Variants in DNM2 observed in about 807,000 individuals in gnomAD.
DNM2 encodes dynamin 2, also known as dynamin-2.
Under a neutral mutation model 99.0 loss-of-function variants are expected in DNM2, and 15 were observed. The ratio of observed to expected loss-of-function variants is 0.15; its 90% confidence interval spans 0.10 to 0.23. The LOEUF (loss-of-function observed/expected upper bound fraction) is 0.23. Ranked by LOEUF, DNM2 falls within the 10% of genes least tolerant of loss-of-function variation. DNM2 has a pLI of 1.00. For missense variants in DNM2, 742 were observed against 1,189.4 expected (o/e 0.62, Z 5.53); for synonymous variants, 525 against 481.2 (o/e 1.09, Z -1.19).
intron 1 of DNM2, among the ~76,000 whole-genome samples, chr19:10,726,232 T>TAAAAAAAAAAAAAAAAAAAAAAAAAA (rs1568263636): frequency 1.1e-3 from 15 of 13,586 alleles, no homozygotes; most frequent in Non-Finnish European, 1.4e-3. Context: ...AAAAAAAAAT[T>TAAAAAAAAAAAAAAAAAAAAAAAAAA]TTTTTTTTTT....
At chr19:10,788,634 C>G (rs187670719) in intron 7 of DNM2, among the ~76,000 whole-genome samples, 2 of 152,284 alleles carry the variant, frequency 1.3e-5, no homozygotes, top group East Asian at 3.9e-4. Flanking sequence ...CTCTTAAGAT[C>G]CACCCCATGA....
In DNM2 at chr19:10,775,174, T is replaced by TAA. The variant is rs2071112696; in HGVS notation, c.386-529_386-528insAA. On this transcript the variant is annotated intron_variant, in intron 3 of 20. Coordinates refer to ENST00000389253, the MANE Select transcript of DNM2 (RefSeq NM_001005361.3). The surrounding 1 kb of genome is among the most constrained non-coding windows in gnomAD (Gnocchi z 4.3). ...TCAGCTCACTGCAACCTCCACCTTCTGGGTTCAAGTGTTTCTCATGCCTCA... is the reference window on the plus strand; with the variant it reads ...TCAGCTCACTGCAACCTCCACCTTCTAAGGGTTCAAGTGTTTCTCATGCCTCA... 6.6e-6 allele frequency among the ~76,000 whole-genome samples: 1 copy of TAA among 152,136 alleles called. No individual in the cohort carries two copies. Among genetic ancestry groups the TAA allele is most frequent in the African/African-American group, 2.4e-5 (1 of 41,434 alleles).
chr19:10,719,843 CTG>C (rs2068878197), intron 1 of DNM2, among the ~76,000 whole-genome samples: 1 of 152,220 alleles, frequency 6.6e-6, no homozygotes, highest in African/African-American at 2.4e-5. Context: ...TCAGAAGGGA[CTG>C]TGATCACCCA....
rs1195312630 is a variant in DNM2 at position 10,805,808 on chromosome 19, T to A, written c.1494-108T>A. On this transcript the variant is annotated intron_variant, in intron 12 of 20. Coordinates refer to ENST00000389253, the MANE Select transcript of DNM2 (RefSeq NM_001005361.3). ...CAGGGGGCTTCTCTCTGCCTCTACC[T>A]GTGGCTGCTCACTTGGTCCCCAGGG... The A allele has an allele frequency of 4.3e-6, 6 of 1,407,078 alleles. No individual in the cohort carries two copies. The Admixed American group carries it at 1.1e-4, about 25-fold the overall frequency. The allele number at this position is 1,407,078 out of a possible 1,614,324, so 87.2% of individuals were successfully genotyped here.
Position 10,778,019 on chromosome 19 carries a change from T to TTTTATTTATTTA in DNM2, c.688+829_688+840dup, listed in dbSNP as rs5827114. On this transcript the variant is annotated intron_variant, in intron 5 of 20. Transcript: ENST00000389253. ...CTTCCTGGAATATTTTATTTTTTCA[T>TTTTATTTATTTA]TTTATTTATTTATTTATTTATTTAT... 8.8e-3 allele frequency among the ~76,000 whole-genome samples: 1,214 copies of TTTTATTTATTTA among 138,214 alleles called. 18 individuals carry two copies. The highest frequency in any genetic ancestry group is 0.018 in the African/African-American group (660 of 37,066). The allele number at this position is 138,214 out of a possible 152,430, so 90.7% of individuals were successfully genotyped here.
At position 10,746,057 on chromosome 19, in the gene DNM2, C is replaced by G. The variant is rs111629159; in HGVS notation, c.162-13681C>G. Among the ~76,000 whole-genome samples, 1,357 of 152,276 alleles carry G rather than the reference C, an allele frequency of 8.9e-3. 13 individuals carry two copies. The highest frequency in any genetic ancestry group is 0.031 in the African/African-American group (1,278 of 41,556). The stretch of plus-strand genomic sequence containing the variant: ...CACTGCAACCTCTGCCTCCCAGGTT[C>G]AAGCGATTCTCGTGCCTCAGCCTCC... On this transcript the variant is annotated intron_variant, in intron 1 of 20. Coordinates refer to ENST00000389253, the MANE Select transcript of DNM2 (RefSeq NM_001005361.3).
intron 2 of DNM2, among the ~76,000 whole-genome samples, chr19:10,767,278 C>T (rs2070829778): frequency 6.6e-6 from 1 of 151,940 alleles, no homozygotes; most frequent in South Asian, 2.1e-4. Flanking sequence ...GTTCCAGAGG[C>T]CCAGGCTAGG....
intron 1 of DNM2, among the ~76,000 whole-genome samples, chr19:10,723,569 C>T (rs529365339): frequency 1.7e-3 from 256 of 152,274 alleles, no homozygotes; most frequent in Non-Finnish European, 2.8e-3. Context: ...CGCCCAGCCC[C>T]GTCTTCTTTA....
At position 10,812,223 on chromosome 19, in the gene DNM2, A is replaced by G. The variant is rs548718675; in HGVS notation, c.1558-41A>G. The G allele has an allele frequency of 6.5e-7, 1 of 1,529,982 alleles. No individual in the cohort carries two copies. The highest frequency in any genetic ancestry group is 1.2e-5 in the South Asian group (1 of 84,420). The allele number at this position is 1,529,982 out of a possible 1,614,324, so 94.8% of individuals were successfully genotyped here. A position where few individuals can be genotyped will look rare whatever the true frequency, so the allele number is the denominator to read the frequency against. On this transcript the variant is annotated intron_variant, in intron 14 of 20. Transcript: ENST00000389253. This position sits in a 1 kb window ranked among gnomAD's most constrained non-coding sequence, Gnocchi z 4.0. ...TGCTGCGCTGGGGGATGGCTGGGGC[A>G]CGGAGCGAGGTTCCCTGCTAAGCTG... is the stretch of plus-strand genomic sequence containing the variant.
Position 10,772,751 on chromosome 19 carries a change from C to A in DNM2, c.385+123C>A, listed in dbSNP as rs371578319. ...TGCCCATTCACAAACAGTTGATATT[C>A]ACACACACATAGCCCCTTGATCTGT... On this transcript the variant is annotated intron_variant, in intron 3 of 20. Coordinates refer to ENST00000389253, the MANE Select transcript of DNM2 (RefSeq NM_001005361.3). The surrounding 1 kb of genome is among the most constrained non-coding windows in gnomAD (Gnocchi z 4.9). The A allele has an allele frequency of 1.4e-6, 2 of 1,411,554 alleles. No individual in the cohort carries two copies. The highest frequency in any genetic ancestry group is 9.7e-7 in the Non-Finnish European group (1 of 1,025,788). The allele number at this position is 1,411,554 out of a possible 1,614,324, so 87.4% of individuals were successfully genotyped here.
rs2071015900 is a variant in DNM2, at chr19:10,772,513, G to A, written c.270G>A (p.Lys90=). ...AGTTTTTGCACTGCAAGTCCAAAAA[G>A]TTTACAGACTTTGATGAAGTCCGGC... ...HAEFLHCKSK[K]FTDFDEVRQE... The change falls in exon 3 of 21, where the codon AAG becomes AAA. Residue 90 remains lysine (K), a synonymous_variant. Transcript: ENST00000389253. The surrounding 1 kb of genome is among the most constrained non-coding windows in gnomAD (Gnocchi z 4.9). 1.2e-6 allele frequency: 2 copies of A among 1,614,028 alleles called. No individual in the cohort carries two copies. The highest frequency in any genetic ancestry group is 1.7e-5 in the Admixed American group (1 of 59,990).
At chr19:10,751,321 G>T (rs530332875) in intron 1 of DNM2, among the ~76,000 whole-genome samples, 94 of 152,264 alleles carry the variant, frequency 6.2e-4, no homozygotes, top group Admixed American at 1.2e-3. Context: ...GGCAGCCTGG[G>T]TGCACAGAGG....
intron 1 of DNM2, chr19:10,718,622 G>C (rs1470461708): frequency 3.4e-5 from 20 of 581,540 alleles, no homozygotes; most frequent in Non-Finnish European, 2.4e-6. Context: ...GCGGTGTCAC[G>C]GGCCAGGGCG....
At position 10,829,092 on chromosome 19, in the gene DNM2, G is replaced by C. The variant is rs2073246963; in HGVS notation, c.2115G>C (p.Gln705His). The change falls in exon 19 of 21, where the codon CAG (glutamine) becomes CAC (histidine). Residue 705 changes from glutamine (Q) to histidine (H), a missense_variant. This residue lies in a region of DNM2 where 240 missense variants were observed against 431.3 expected (regional missense o/e 0.56). Coordinates refer to ENST00000389253, the MANE Select transcript of DNM2 (RefSeq NM_001005361.3). ...LLAYLYSSADQSSLMEESADQ... is the reference protein window; with the variant it reads ...LLAYLYSSADHSSLMEESADQ... ...CCTACCTATACTCCTCGGCAGACCA[G>C]AGCAGCCTCATGGAGGAGTCGGCTG... The C allele has an allele frequency of 6.2e-7, 1 of 1,613,986 alleles. No individual in the cohort carries two copies. The highest frequency in any genetic ancestry group is 8.5e-7 in the Non-Finnish European group (1 of 1,180,006).
chr19:10,758,197 G>C (rs1353640166), intron 1 of DNM2, among the ~76,000 whole-genome samples: 1 of 151,970 alleles, frequency 6.6e-6, no homozygotes, highest in African/African-American at 2.4e-5. Context: ...TTCTGGGGTG[G>C]TTGTGCCTGA....
At chr19:10,829,736 C>T (rs1263735778) in intron 19 of DNM2, among the ~76,000 whole-genome samples, 2 of 152,122 alleles carry the variant, frequency 1.3e-5, no homozygotes, top group East Asian at 3.9e-4. Context: ...CTGGGGGAGC[C>T]ATGGAGTTCC....
intron 5 of DNM2, among the ~76,000 whole-genome samples, chr19:10,779,172 G>A (rs1209443215): frequency 6.7e-6 from 1 of 149,758 alleles, no homozygotes; most frequent in South Asian, 2.1e-4. Context: ...CTGAGATGGC[G>A]CCACTTCACT....
In DNM2 at chr19:10,777,155, G is replaced by A. The variant is rs2071182228; in HGVS notation, c.627G>A (p.Leu209=). The A allele has an allele frequency of 6.2e-7, 1 of 1,614,102 alleles. No homozygotes were observed. Among genetic ancestry groups the A allele is most frequent in the Non-Finnish European group, 8.5e-7 (1 of 1,180,058 alleles). Residue 209 remains leucine, a synonymous_variant, in exon 5 of 21, where the codon CTG becomes CTA. Transcript: ENST00000389253. ...TCGGTGTCATCACCAAGCTTGACCTGATGGACGAGGGCACCGACGCCAGGG... is the reference window on the plus strand; with the variant it reads ...TCGGTGTCATCACCAAGCTTGACCTAATGGACGAGGGCACCGACGCCAGGG... The part of the protein sequence containing the change: ...RTIGVITKLD[L]MDEGTDARDV...
Position 10,818,323 on chromosome 19 carries a change from GCCTGGCAGGCTAAT to G in DNM2, c.1672-1651_1672-1638del, listed in dbSNP as rs1283394303. 1.3e-5 allele frequency among the ~76,000 whole-genome samples: 2 copies of G among 152,136 alleles called. No individual in the cohort carries two copies. Among genetic ancestry groups the G allele is most frequent in the Non-Finnish European group, 2.9e-5 (2 of 68,036 alleles). On this transcript the variant is annotated intron_variant, in intron 15 of 20. Transcript: ENST00000389253. The surrounding 1 kb of genome is among the most constrained non-coding windows in gnomAD (Gnocchi z 4.3). ...GCTCTGCCCTACTTCTTTGCCTAGAGCCTGGCAGGCTAATCCTGGAGCCGCTCACAAGAGCAACC... is the reference window on the plus strand; with the variant it reads ...GCTCTGCCCTACTTCTTTGCCTAGAGCCTGGAGCCGCTCACAAGAGCAACC...
Sources: gnomAD v4.1 joint callset for allele counts (sites outside exome capture counted in the v4.1 genomes callset) on GRCh38, gnomAD v4.1.1 for gene constraint, gnomAD v4.1.1 regional missense constraint, Gnocchi (gnomAD v3.1) non-coding constraint, MANE v1.5 for transcripts, NCBI Gene and HGNC (gene_info 2026-07-23, HGNC 2026-07-21) for gene names.